The following LMX1A variants were observed in gnomAD, a reference collection of about 807,000 sequenced individuals.
LMX1A encodes the protein LIM homeobox transcription factor 1 alpha.
LMX1A carries 15 observed loss-of-function variants against 49.1 expected under a neutral mutation model. The ratio of observed to expected loss-of-function variants is 0.31; its 90% CI spans 0.20 to 0.47. The LOEUF is 0.47. LMX1A is among the 20% of genes least tolerant of loss of function. The pLI is 1.00. For synonymous variants in LMX1A, 167 were observed against 185.7 expected (o/e 0.90, Z 0.82); for missense variants, 372 against 475.8 (o/e 0.78, Z 2.03).
At chr1:165,285,799 T>C (rs1376282681) in intron 3 of LMX1A, among the ~76,000 whole-genome samples, 1 of 152,200 alleles carries the variant, frequency 6.6e-6, no homozygotes, top group African/African-American at 2.4e-5. Flanking sequence ...CAATGGACCC[T>C]TGTCTATCTG....
intron 3 of LMX1A, among the ~76,000 whole-genome samples, chr1:165,283,307 A>T (rs1382388608): frequency 6.6e-6 from 1 of 152,260 alleles, no homozygotes; most frequent in African/African-American, 2.4e-5. Context: ...AGGCTACACC[A>T]TCTAGGTTTG....
chr1:165,267,520 C>A (rs1571190625), intron 3 of LMX1A, among the ~76,000 whole-genome samples: 1 of 152,220 alleles, frequency 6.6e-6, no homozygotes, highest in East Asian at 1.9e-4. Context: ...TGCCTGTTTT[C>A]AATTCTTTCA....
At chr1:165,219,406 C>CA (rs1651758922) in intron 4 of LMX1A, among the ~76,000 whole-genome samples, 1 of 151,914 alleles carries the variant, frequency 6.6e-6, no homozygotes, top group Non-Finnish European at 1.5e-5. Flanking sequence ...GTCTTTTAGA[C>CA]AGGGGGAGTA....
chr1:165,227,345 C>G (rs1038943069), intron 4 of LMX1A, among the ~76,000 whole-genome samples: 2 of 152,056 alleles, frequency 1.3e-5, no homozygotes, highest in African/African-American at 4.8e-5. Context: ...TAAGACCAGC[C>G]TAGGCAACAT....
intron 4 of LMX1A, among the ~76,000 whole-genome samples, chr1:165,216,340 T>C (rs1651642236): frequency 6.6e-6 from 1 of 152,192 alleles, no homozygotes; most frequent in Non-Finnish European, 1.5e-5. Flanking sequence ...CTATTGATCC[T>C]ACTGCTCAGA....
At chr1:165,343,581 G>T (rs368114185) in intron 3 of LMX1A, among the ~76,000 whole-genome samples, 1 of 152,116 alleles carries the variant, frequency 6.6e-6, no homozygotes, top group Non-Finnish European at 1.5e-5. Flanking sequence ...TAGGACATGC[G>T]TTTCAAATTA....
At chr1:165,223,348 C>T (rs1230064737) in intron 4 of LMX1A, among the ~76,000 whole-genome samples, 2 of 152,186 alleles carry the variant, frequency 1.3e-5, no homozygotes, top group East Asian at 3.9e-4. Flanking sequence ...GGCTAAGAAA[C>T]TCAAACTCCT....
intron 3 of LMX1A, among the ~76,000 whole-genome samples, chr1:165,331,650 CTCACACCTGTAA>C (rs1217095518): frequency 1.3e-5 from 2 of 152,202 alleles, no homozygotes; most frequent in Non-Finnish European, 2.9e-5. Flanking sequence ...GGCACGGTGG[CTCACACCTGTAA>C]TCCCAGCATT....
intron 6 of LMX1A, among the ~76,000 whole-genome samples, chr1:165,210,078 G>A (rs899263333): frequency 6.6e-6 from 1 of 152,216 alleles, no homozygotes; most frequent in Admixed American, 6.5e-5. Context: ...AAGAGCAGAG[G>A]AAACATAGAG....
chr1:165,256,784 C>T (rs751542152), intron 3 of LMX1A, among the ~76,000 whole-genome samples: 8 of 152,002 alleles, frequency 5.3e-5, no homozygotes, highest in Non-Finnish European at 7.4e-5. Flanking sequence ...GTTTCAAAAG[C>T]ACATATGAAG....
chr1:165,281,057 TC>T (rs1654131727), intron 3 of LMX1A, among the ~76,000 whole-genome samples: 1 of 152,034 alleles, frequency 6.6e-6, no homozygotes, highest in Non-Finnish European at 1.5e-5. Flanking sequence ...GTGGCTGGAG[TC>T]CTACTGACAC....
At chr1:165,292,419 T>G (rs1371327029) in intron 3 of LMX1A, among the ~76,000 whole-genome samples, 1 of 152,098 alleles carries the variant, frequency 6.6e-6, no homozygotes, top group Non-Finnish European at 1.5e-5. Flanking sequence ...TAGAAGGAGT[T>G]GTTATGTATC....
intron 8 of LMX1A, among the ~76,000 whole-genome samples, chr1:165,205,507 T>C (rs1427391910): frequency 6.6e-6 from 1 of 152,252 alleles, no homozygotes; most frequent in Non-Finnish European, 1.5e-5. Context: ...TTACTTTAGG[T>C]AAACGTTTGC....
intron 3 of LMX1A, among the ~76,000 whole-genome samples, chr1:165,318,999 T>TCTCACACA (rs1444303214): frequency 8.5e-6 from 1 of 117,754 alleles, no homozygotes; most frequent in African/African-American, 3.5e-5. Flanking sequence ...TCTCTCTCTC[T>TCTCACACA]CACACACACA....
At chr1:165,233,283 A>G (rs995783671) in intron 4 of LMX1A, among the ~76,000 whole-genome samples, 3 of 150,374 alleles carry the variant, frequency 2.0e-5, no homozygotes, top group Non-Finnish European at 4.5e-5. Context: ...AGGGAGACCC[A>G]GTATCTACAA....
intron 3 of LMX1A, among the ~76,000 whole-genome samples, chr1:165,340,778 T>G (rs1194516216): frequency 1.3e-5 from 2 of 152,212 alleles, no homozygotes; most frequent in Non-Finnish European, 2.9e-5. Flanking sequence ...TCCTGCTCAC[T>G]TCTTAAATTC....
chr1:165,313,236 AT>A (rs1655123926), intron 3 of LMX1A, among the ~76,000 whole-genome samples: 1 of 152,192 alleles, frequency 6.6e-6, no homozygotes, highest in Non-Finnish European at 1.5e-5. Flanking sequence ...AGTATAAATG[AT>A]TTCAAGAGGG....
At chr1:165,332,126 T>C (rs1412012000) in intron 3 of LMX1A, among the ~76,000 whole-genome samples, 1 of 152,064 alleles carries the variant, frequency 6.6e-6, no homozygotes, top group Non-Finnish European at 1.5e-5. Flanking sequence ...AAATTAACAA[T>C]AATGTGAAGA....
At chr1:165,289,261 A>C (rs2101713421) in intron 3 of LMX1A, among the ~76,000 whole-genome samples, 1 of 150,284 alleles carries the variant, frequency 6.7e-6, no homozygotes, top group East Asian at 2.0e-4. Flanking sequence ...AAAAAGAGAG[A>C]GAGAGAGAGC....
Sources: allele counts gnomAD v4.1 joint callset (sites outside exome capture counted in the v4.1 genomes callset), GRCh38; gene constraint gnomAD v4.1.1; transcripts MANE v1.5; gene names NCBI Gene and HGNC (gene_info 2026-07-23, HGNC 2026-07-21).